The following CADM2 variants were observed in gnomAD, a reference collection of about 807,000 sequenced individuals.
CADM2 encodes immunoglobulin superfamily member 4D.
In CADM2, 12 loss-of-function variants were observed where a neutral mutation model predicts 49.8. The ratio of observed to expected loss-of-function variants is 0.24; its 90% confidence interval spans 0.15 to 0.39. CADM2 has a LOEUF of 0.39. Ranked by LOEUF, CADM2 falls within the 10% of genes least tolerant of loss-of-function variation. CADM2 has a pLI of 1.00. For missense variants in CADM2, 378 were observed against 492.3 expected (o/e 0.77, Z 2.20); for synonymous variants, 214 against 175.4 (o/e 1.22, Z -1.74).
At chr3:85,714,847 C>T (rs1022772861) in intron 1 of CADM2, among the ~76,000 whole-genome samples, 1 of 151,968 alleles carries the variant, frequency 6.6e-6, no homozygotes, top group Non-Finnish European at 1.5e-5. Flanking sequence ...TGGTGGTGTC[C>T]TCCTTTACAT....
intron 1 of CADM2, among the ~76,000 whole-genome samples, chr3:85,566,088 T>G (rs773208495): frequency 6.6e-6 from 1 of 152,140 alleles, no homozygotes; most frequent in South Asian, 2.1e-4. Context: ...TTTAAAACTT[T>G]GTTTTGTTAA....
intron 1 of CADM2, among the ~76,000 whole-genome samples, chr3:85,164,185 C>A (rs1435941376): frequency 1.3e-5 from 2 of 151,926 alleles, no homozygotes; most frequent in African/African-American, 4.8e-5. Context: ...ATATACTTTT[C>A]ATGTGTAATA....
At chr3:85,743,352 A>G (rs2068473006) in intron 2 of CADM2, among the ~76,000 whole-genome samples, 1 of 152,150 alleles carries the variant, frequency 6.6e-6, no homozygotes. Flanking sequence ...ACCTTTCTCC[A>G]CACATCCTTT....
Position 85,551,188 on chromosome 3 carries a change from C to G in CADM2, c.62-175334C>G, listed in dbSNP as rs546434407. On this transcript the variant is annotated intron_variant, in intron 1 of 9. Transcript: ENST00000383699. Reference sequence around the variant, plus strand: ...GTAGAGACGAGGTTTCTCTATGTTGCCCAGGCTGGTCTCCAGCACTTGGGC... The same window carrying G: ...GTAGAGACGAGGTTTCTCTATGTTGGCCAGGCTGGTCTCCAGCACTTGGGC... 6.6e-5 allele frequency among the ~76,000 whole-genome samples: 10 copies of G among 152,184 alleles called. No individual in the cohort carries two copies. The East Asian group carries it at 1.9e-3, about 30-fold the overall frequency.
At chr3:85,658,976 C>T (rs1267353417) in intron 1 of CADM2, among the ~76,000 whole-genome samples, 2 of 150,856 alleles carry the variant, frequency 1.3e-5, no homozygotes, top group Non-Finnish European at 3.0e-5. Context: ...CAATTAAGAC[C>T]AGGAGCTTAA....
At chr3:85,594,275 A>G (rs1035696153) in intron 1 of CADM2, among the ~76,000 whole-genome samples, 1 of 151,956 alleles carries the variant, frequency 6.6e-6, no homozygotes, top group Non-Finnish European at 1.5e-5. Context: ...AAGTTAGAAC[A>G]TAACAATTTT....
At chr3:85,915,688 A>G (rs1718201253) in intron 6 of CADM2, among the ~76,000 whole-genome samples, 2 of 152,172 alleles carry the variant, frequency 1.3e-5, no homozygotes, top group Admixed American at 1.3e-4. Context: ...AGAAGAGCTC[A>G]GCCTTGGAAA....
intron 1 of CADM2, among the ~76,000 whole-genome samples, chr3:85,003,384 C>T (rs2033568233): frequency 6.6e-6 from 1 of 151,930 alleles, no homozygotes; most frequent in African/African-American, 2.4e-5. Flanking sequence ...TTAAAAAAAT[C>T]TTATATTTTT....
At chr3:85,886,906 CT>C (rs1713735766) in intron 5 of CADM2, among the ~76,000 whole-genome samples, 1 of 151,998 alleles carries the variant, frequency 6.6e-6, no homozygotes, top group Non-Finnish European at 1.5e-5. Context: ...AACATACATT[CT>C]TTAGGAGGGG....
chr3:84,988,277 A>G (rs2032694840), intron 1 of CADM2, among the ~76,000 whole-genome samples: 1 of 152,228 alleles, frequency 6.6e-6, no homozygotes, highest in Non-Finnish European at 1.5e-5. Context: ...CTAGCTTCCA[A>G]GGTGCACATT....
chr3:85,782,948 C>T (rs1240086860), intron 2 of CADM2, among the ~76,000 whole-genome samples: 1 of 152,062 alleles, frequency 6.6e-6, no homozygotes, highest in African/African-American at 2.4e-5. Context: ...AAACTCAACT[C>T]AGCAAAAATG....
chr3:86,044,349 TCAAA>T (rs1212313637), intron 8 of CADM2, among the ~76,000 whole-genome samples: 2 of 151,958 alleles, frequency 1.3e-5, no homozygotes, highest in African/African-American at 4.8e-5. Flanking sequence ...TACAATGAAC[TCAAA>T]CAAATTTACA....
At chr3:85,524,321 T>C (rs1283757912) in intron 1 of CADM2, among the ~76,000 whole-genome samples, 3 of 152,120 alleles carry the variant, frequency 2.0e-5, no homozygotes, top group African/African-American at 7.2e-5. Context: ...ATTTGAGACC[T>C]TTCTTATGTT....
intron 2 of CADM2, among the ~76,000 whole-genome samples, chr3:85,737,354 A>C (rs760642793): frequency 4.6e-5 from 7 of 152,198 alleles, no homozygotes; most frequent in Non-Finnish European, 8.8e-5. Flanking sequence ...GTCAAGAATG[A>C]CATGCCAAAC....
chr3:85,410,551 A>T (rs1384154567), intron 1 of CADM2, among the ~76,000 whole-genome samples: 1 of 152,158 alleles, frequency 6.6e-6, no homozygotes, highest in African/African-American at 2.4e-5. Flanking sequence ...TGGATTTTTT[A>T]AAAAGGATTT....
At chr3:86,011,542 G>A (rs1440438055) in intron 8 of CADM2, among the ~76,000 whole-genome samples, 2 of 151,986 alleles carry the variant, frequency 1.3e-5, no homozygotes, top group South Asian at 4.1e-4. Flanking sequence ...GGTGGAATTG[G>A]GGCGATAAGA....
At chr3:85,303,754 C>T (rs2044153768) in intron 1 of CADM2, among the ~76,000 whole-genome samples, 1 of 151,788 alleles carries the variant, frequency 6.6e-6, no homozygotes, top group Admixed American at 6.6e-5. Context: ...GAGAGTTTAA[C>T]GAAGTTTCCT....
Position 85,356,587 on chromosome 3 carries a change from A to G in CADM2, c.62-369935A>G, listed in dbSNP as rs566530877. On this transcript the variant is annotated intron_variant, in intron 1 of 9. Transcript: ENST00000383699. ...CCTAAGATGTACATTCTTGACTTTG[A>G]GTAGCTCTCGAGTTATGGGAAAGAG... Among the ~76,000 whole-genome samples the G allele has an allele frequency of 3.7e-4, 56 of 152,248 alleles. 1 individual carries two copies. Among genetic ancestry groups the G allele is most frequent in the Admixed American group, 1.5e-3 (23 of 15,256 alleles).
rs140130824 is a variant in CADM2 at position 85,781,455 on chromosome 3, A to G, written c.89-20592A>G. Among the ~76,000 whole-genome samples the G allele has an allele frequency of 3.2e-3, 481 of 152,310 alleles. 1 individual carries two copies. The highest frequency in any genetic ancestry group is 0.011 in the African/African-American group (460 of 41,588). On this transcript the variant is annotated intron_variant, in intron 2 of 9. Coordinates refer to ENST00000383699, the MANE Select transcript of CADM2 (RefSeq NM_001167675.2). The stretch of plus-strand genomic sequence containing the variant: ...CATGGTGCAAGTTATGCACCAGGCC[A>G]TGAACACAATGGAGAGTCTATTTCA...
Sources: gnomAD v4.1 joint callset for allele counts (sites outside exome capture counted in the v4.1 genomes callset) on GRCh38, gnomAD v4.1.1 for gene constraint, MANE v1.5 for transcripts, NCBI Gene and HGNC (gene_info 2026-07-23, HGNC 2026-07-21) for gene names.